The following FMN1 variants were observed in gnomAD, a reference collection of about 807,000 sequenced individuals.
FMN1 encodes the protein formin 1.
In FMN1, 110 loss-of-function variants were observed where a neutral mutation model predicts 132.4. The ratio of observed to expected loss-of-function variants is 0.83; its 90% confidence interval spans 0.71 to 0.97. The LOEUF (loss-of-function observed/expected upper bound fraction) is 0.97. Ranked by LOEUF, FMN1 falls within the 50% of genes least tolerant of loss-of-function variation. The pLI is 0.00. For missense variants in FMN1, 1,792 were observed against 1,705.3 expected, an observed-to-expected ratio of 1.05 and a Z score of -0.90; for synonymous variants, 722 against 651.7, an observed-to-expected ratio of 1.11 and a Z score of -1.64.
chr15:32,835,223 A>G (rs1046928210), intron 17 of FMN1, among the ~76,000 whole-genome samples: 3 of 152,190 alleles, frequency 2.0e-5, no homozygotes, highest in African/African-American at 7.2e-5. Context: ...AATCACAGAT[A>G]CTCATGAACA....
chr15:32,893,559 G>A (rs749195212), intron 15 of FMN1, among the ~76,000 whole-genome samples: 1 of 152,236 alleles, frequency 6.6e-6, no homozygotes, highest in Non-Finnish European at 1.5e-5. Flanking sequence ...GAAGCAGGGA[G>A]CAGGAGTCAT....
chr15:33,088,039 T>C (rs1190455635), intron 5 of FMN1, among the ~76,000 whole-genome samples: 1 of 151,984 alleles, frequency 6.6e-6, no homozygotes, highest in Non-Finnish European at 1.5e-5. Flanking sequence ...AATGATACAA[T>C]GGACTTTGGG....
At chr15:33,046,492 T>C (rs898543074) in intron 6 of FMN1, among the ~76,000 whole-genome samples, 4 of 152,228 alleles carry the variant, frequency 2.6e-5, no homozygotes, top group East Asian at 1.9e-4. Context: ...CTAATGTCTA[T>C]GTTTTGTCAC....
At chr15:33,177,850 C>A (rs550779466) in intron 3 of FMN1, among the ~76,000 whole-genome samples, 1 of 151,652 alleles carries the variant, frequency 6.6e-6, no homozygotes. Flanking sequence ...ATTAAAAATA[C>A]AAAAAAAATT....
At chr15:32,994,212 CCTCT>C (rs771176022) in intron 7 of FMN1, among the ~76,000 whole-genome samples, 40 of 146,384 alleles carry the variant, frequency 2.7e-4, no homozygotes, top group Non-Finnish European at 3.9e-4. Context: ...AGAACTCATT[CCTCT>C]CTCTCTCTCT....
intron 4 of FMN1, among the ~76,000 whole-genome samples, chr15:33,110,125 C>T (rs1038543069): frequency 5.9e-5 from 9 of 151,992 alleles, no homozygotes; most frequent in African/African-American, 2.2e-4. Context: ...GACAATATAA[C>T]GCTTCTCCTA....
chr15:33,018,195 G>A (rs1300667471), intron 6 of FMN1, among the ~76,000 whole-genome samples: 1 of 152,170 alleles, frequency 6.6e-6, no homozygotes, highest in Non-Finnish European at 1.5e-5. Context: ...TAGTGTGTGT[G>A]ATACTGCAAA....
intron 7 of FMN1, 138 bp downstream of exon 7, chr15:33,007,876 C>G: frequency 1.6e-6 from 1 of 623,346 alleles, no homozygotes; most frequent in Non-Finnish European, 2.8e-6. Flanking sequence ...CCTGTATAGA[C>G]ACAGTGCCTA....
intron 4 of FMN1, among the ~76,000 whole-genome samples, chr15:33,124,313 G>A (rs1043857264): frequency 6.6e-6 from 1 of 152,164 alleles, no homozygotes; most frequent in African/African-American, 2.4e-5. Context: ...GTGAGAAGGG[G>A]GTCTGGTCAG....
At chr15:33,074,188 G>A (rs1174804036) in intron 5 of FMN1, among the ~76,000 whole-genome samples, 4 of 152,158 alleles carry the variant, frequency 2.6e-5, no homozygotes, top group Admixed American at 1.3e-4. Flanking sequence ...CTATGCTGTG[G>A]GATCTTACCT....
At chr15:32,874,282 A>G (rs962594216) in intron 16 of FMN1, among the ~76,000 whole-genome samples, 6 of 151,992 alleles carry the variant, frequency 3.9e-5, no homozygotes, top group African/African-American at 1.4e-4. Flanking sequence ...CGGCCTCCCA[A>G]AGTGCTGGGA....
intron 4 of FMN1, among the ~76,000 whole-genome samples, chr15:33,104,809 G>A (rs541363603): frequency 3.3e-5 from 5 of 152,186 alleles, no homozygotes; most frequent in Admixed American, 2.0e-4. Flanking sequence ...TTACTAAAGG[G>A]ATTTGACACT....
intron 17 of FMN1, among the ~76,000 whole-genome samples, chr15:32,805,573 A>C (rs928205048): frequency 6.6e-6 from 1 of 152,126 alleles, no homozygotes; most frequent in Non-Finnish European, 1.5e-5. Context: ...TGAAGTCTTG[A>C]TAACAGACAT....
chr15:33,131,405 T>C (rs1438597574), intron 4 of FMN1, among the ~76,000 whole-genome samples: 1 of 151,908 alleles, frequency 6.6e-6, no homozygotes, highest in Non-Finnish European at 1.5e-5. Context: ...TATTGACTTT[T>C]ATGGCTCTCT....
At chr15:33,144,767 A>C (rs1964151870) in intron 4 of FMN1, among the ~76,000 whole-genome samples, 1 of 152,124 alleles carries the variant, frequency 6.6e-6, no homozygotes, top group South Asian at 2.1e-4. Context: ...TCAAGAACAA[A>C]TCAGCAAATC....
At chr15:32,845,658 CA>C (rs2058838544) in intron 17 of FMN1, among the ~76,000 whole-genome samples, 1 of 152,060 alleles carries the variant, frequency 6.6e-6, no homozygotes, top group East Asian at 1.9e-4. Flanking sequence ...TGAAAAAAAT[CA>C]GTTTCAAAGG....
chr15:33,128,754 A>T (rs1237421192), intron 4 of FMN1, among the ~76,000 whole-genome samples: 1 of 152,216 alleles, frequency 6.6e-6, no homozygotes, highest in Admixed American at 6.5e-5. Flanking sequence ...TGAATTTTAA[A>T]GCCCTTAAAA....
chr15:33,171,683 T>C, intron 3 of FMN1, among the ~76,000 whole-genome samples: 1 of 152,186 alleles, frequency 6.6e-6, no homozygotes, highest in East Asian at 1.9e-4. Flanking sequence ...GGATACAACA[T>C]TTCCCTATTT....
chr15:33,128,300 T>G (rs1419936253), intron 4 of FMN1, among the ~76,000 whole-genome samples: 2 of 152,208 alleles, frequency 1.3e-5, no homozygotes, highest in Non-Finnish European at 2.9e-5. Context: ...TGAACATGGC[T>G]GCTGACTAGG....
Sources: allele counts gnomAD v4.1 joint callset (sites outside exome capture counted in the v4.1 genomes callset), GRCh38; gene constraint gnomAD v4.1.1; transcripts MANE v1.5; gene names NCBI Gene and HGNC (gene_info 2026-07-23, HGNC 2026-07-21).